The following SMOC2 variants were observed in gnomAD, a reference collection of about 807,000 sequenced individuals.
The protein encoded by SMOC2 is SPARC-related modular calcium-binding protein 2.
SMOC2 carries 39 observed loss-of-function variants against 61.4 expected under a neutral mutation model. That is an observed-to-expected ratio of 0.64 (90% confidence interval 0.49 to 0.83). SMOC2 has a LOEUF of 0.83. SMOC2 is among the 40% of genes least tolerant of loss of function. The pLI, the probability that SMOC2 is intolerant of heterozygous loss-of-function variation, is 0.00. For missense variants in SMOC2, 556 were observed against 592.9 expected (o/e 0.94, Z 0.65); for synonymous variants, 247 against 239.9 (o/e 1.03, Z -0.27).
At chr6:168,536,440 A>G (rs548807944) in intron 4 of SMOC2, among the ~76,000 whole-genome samples, 1 of 152,176 alleles carries the variant, frequency 6.6e-6, no homozygotes, top group Non-Finnish European at 1.5e-5. Context: ...GTTGGGTCCC[A>G]GGGCACGGTG....
At chr6:168,558,878 TGC>T (rs1184047816) in intron 7 of SMOC2, among the ~76,000 whole-genome samples, 7 of 149,838 alleles carry the variant, frequency 4.7e-5, no homozygotes, top group East Asian at 3.9e-4. Flanking sequence ...TGCATGTGTG[TGC>T]GTGTGTGCGT....
At chr6:168,460,578 A>T (rs1781698803) in intron 1 of SMOC2, among the ~76,000 whole-genome samples, 1 of 152,168 alleles carries the variant, frequency 6.6e-6, no homozygotes, top group Non-Finnish European at 1.5e-5. Flanking sequence ...TGAATTTTAT[A>T]ATAGGGCATC....
Position 168,558,790 on chromosome 6 carries a change from GGTGTGCGTGTGCGCATGTGTGT to G in SMOC2, c.637+9596_637+9617del, listed in dbSNP as rs1183501104. Reference sequence around the variant, plus strand: ...ATGTGTGTGCACATGCGTATGTGTGGGTGTGCGTGTGCGCATGTGTGTGTGTGCGTATGTGCATGTGTGTGCA... The same window carrying G: ...ATGTGTGTGCACATGCGTATGTGTGGGTGTGCGTATGTGCATGTGTGTGCA... On this transcript the variant is annotated intron_variant, in intron 7 of 12. Coordinates refer to ENST00000356284, the MANE Select transcript of SMOC2 (RefSeq NM_001166412.2). Among the ~76,000 whole-genome samples, 3 of 143,000 alleles carry G rather than the reference GGTGTGCGTGTGCGCATGTGTGT, an allele frequency of 2.1e-5. No individual in the cohort carries two copies. In the South Asian group the frequency reaches 6.8e-4, roughly 32 times the overall value. The allele number at this position is 143,000 out of a possible 152,430, so 93.8% of individuals were successfully genotyped here. A position where few individuals can be genotyped will look rare whatever the true frequency, so the allele number is the denominator to read the frequency against.
At chr6:168,612,857 A>G (rs1314044781) in intron 9 of SMOC2, among the ~76,000 whole-genome samples, 2 of 152,212 alleles carry the variant, frequency 1.3e-5, no homozygotes, top group African/African-American at 4.8e-5. Context: ...AGTCGCCGGC[A>G]GGTTCAGGGC....
At chr6:168,573,686 C>T (rs1379473898) in intron 7 of SMOC2, among the ~76,000 whole-genome samples, 1 of 152,120 alleles carries the variant, frequency 6.6e-6, no homozygotes, top group Admixed American at 6.5e-5. Context: ...CCCTGGTATC[C>T]GCTTCACACC....
intron 9 of SMOC2, among the ~76,000 whole-genome samples, chr6:168,611,997 G>T (rs2115210613): frequency 6.6e-6 from 1 of 152,324 alleles, no homozygotes. Context: ...GCACCTCCAT[G>T]TTCCCGGCAT....
At chr6:168,570,505 C>T (rs1034236392) in intron 7 of SMOC2, among the ~76,000 whole-genome samples, 2 of 152,144 alleles carry the variant, frequency 1.3e-5, no homozygotes, top group African/African-American at 4.8e-5. Context: ...AGGAGGGAGC[C>T]AGGTTTTCAC....
At chr6:168,636,064 G>A (rs1786710017) in intron 9 of SMOC2, among the ~76,000 whole-genome samples, 1 of 152,112 alleles carries the variant, frequency 6.6e-6, no homozygotes, top group Admixed American at 6.5e-5. Flanking sequence ...TAGCATGTCT[G>A]TTGTGTGACT....
chr6:168,653,254 TG>T (rs1385762072), intron 11 of SMOC2, 26 bp downstream of exon 11: 1 of 1,104,210 alleles, frequency 9.1e-7, no homozygotes, highest in African/African-American at 1.6e-5. Context: ...CCCCCGACCC[TG>T]GGCAGTGGTC....
Position 168,599,463 on chromosome 6 carries a change from C to CCA in SMOC2, c.824+461_824+462dup, listed in dbSNP as rs201740628. 4.1e-3 allele frequency among the ~76,000 whole-genome samples: 495 copies of CCA among 120,414 alleles called. 7 individuals carry two copies. Among genetic ancestry groups the CCA allele is most frequent in the African/African-American group, 0.015 (438 of 30,106 alleles). The allele number at this position is 120,414 out of a possible 152,430, so 79.0% of individuals were successfully genotyped here. ...CACACACATTCGTACCCCCACACAC[C>CCA]CACTCACACCCACACACAATCATAC... On this transcript the variant is annotated intron_variant, in intron 8 of 12. Coordinates refer to ENST00000356284, the MANE Select transcript of SMOC2 (RefSeq NM_001166412.2).
intron 3 of SMOC2, among the ~76,000 whole-genome samples, chr6:168,526,710 C>G (rs896591755): frequency 2.0e-5 from 3 of 152,186 alleles, no homozygotes; most frequent in African/African-American, 7.2e-5. Context: ...TTCACACTTT[C>G]ATTACTATGA....
chr6:168,643,625 G>T (rs1786947939), intron 9 of SMOC2, among the ~76,000 whole-genome samples: 1 of 152,206 alleles, frequency 6.6e-6, no homozygotes, highest in Admixed American at 6.5e-5. Context: ...CTTGTCTGCT[G>T]TTCCCGGCCT....
intron 1 of SMOC2, among the ~76,000 whole-genome samples, chr6:168,457,058 CTG>C (rs1490167013): frequency 6.6e-5 from 10 of 152,332 alleles, no homozygotes; most frequent in Non-Finnish European, 2.9e-5. Flanking sequence ...TTCTGGCAAA[CTG>C]TGCACAACCT....
intron 9 of SMOC2, among the ~76,000 whole-genome samples, chr6:168,642,799 T>C (rs1562400345): frequency 6.6e-6 from 1 of 152,254 alleles, no homozygotes; most frequent in African/African-American, 2.4e-5. Context: ...GATACTTTTT[T>C]TTCTTATGTT....
chr6:168,606,848 G>A (rs1290591132), intron 8 of SMOC2, among the ~76,000 whole-genome samples: 2 of 152,098 alleles, frequency 1.3e-5, no homozygotes, highest in East Asian at 3.9e-4. Flanking sequence ...GATGGTGTTG[G>A]CGGGCACTGC....
At chr6:168,451,010 G>T (rs530643644) in intron 1 of SMOC2, among the ~76,000 whole-genome samples, 5 of 152,302 alleles carry the variant, frequency 3.3e-5, no homozygotes, top group Non-Finnish European at 7.4e-5. Flanking sequence ...ATGCAAATGT[G>T]TTACAGGATC....
At position 168,469,911 on chromosome 6, in the gene SMOC2, T is replaced by C. The variant is rs368392987; in HGVS notation, c.84+28457T>C. 1.6e-4 allele frequency among the ~76,000 whole-genome samples: 24 copies of C among 152,258 alleles called. 1 individual carries two copies. In the East Asian group the frequency reaches 4.2e-3, roughly 27 times the overall value. On this transcript the variant is annotated intron_variant, in intron 1 of 12. Transcript: ENST00000356284. ...CGTTGTCTTGGGTTGGAAGACTAAA[T>C]TAGAAACAATAATTTTCTCTAAGTT...
intron 9 of SMOC2, among the ~76,000 whole-genome samples, chr6:168,649,734 T>G (rs1038183874): frequency 1.3e-5 from 2 of 152,126 alleles, no homozygotes; most frequent in East Asian, 1.9e-4. Context: ...TGCATTTGCT[T>G]ATTGATCCAG....
chr6:168,503,613 C>T (rs897362940), intron 1 of SMOC2, among the ~76,000 whole-genome samples: 1 of 152,172 alleles, frequency 6.6e-6, no homozygotes, highest in Non-Finnish European at 1.5e-5. Context: ...TTATTACTCT[C>T]ATTTTACAGA....
Sources: allele counts gnomAD v4.1 joint callset (sites outside exome capture counted in the v4.1 genomes callset), GRCh38; gene constraint gnomAD v4.1.1; transcripts MANE v1.5; gene names NCBI Gene and HGNC (gene_info 2026-07-23, HGNC 2026-07-21).